RSRC1: variants seen among roughly 807,000 people sequenced by gnomAD.
RSRC1 encodes arginine and serine rich coiled-coil 1, also known as serine/Arginine-related protein 53.
In RSRC1, 39 loss-of-function variants were observed where a neutral mutation model predicts 49.1. The ratio of observed to expected loss-of-function variants is 0.79; its 90% confidence interval spans 0.61 to 1.04. RSRC1 has a LOEUF of 1.04. Among genes scored for constraint, RSRC1 ranks in the 50% least tolerant of loss-of-function variants. The probability of loss-of-function intolerance (pLI) is 0.00; values close to 1 mark genes in which losing one functional copy is unlikely to be tolerated. For missense variants in RSRC1, 388 were observed against 402.4 expected, an observed-to-expected ratio of 0.96 and a Z score of 0.31; for synonymous variants, 143 against 130.8, an observed-to-expected ratio of 1.09 and a Z score of -0.63.
intron 3 of RSRC1, among the ~76,000 whole-genome samples, chr3:158,130,450 T>G (rs1449816728): frequency 3.3e-5 from 5 of 152,226 alleles, no homozygotes; most frequent in African/African-American, 1.2e-4. Flanking sequence ...TGAATATTCC[T>G]TATCTGAAAT....
rs1423378241 is a variant in RSRC1 at position 158,544,950 on chromosome 3, A to C, written c.*675A>C. 1 of 151,998 alleles carries C rather than the reference A, an allele frequency of 6.6e-6. No individual in the cohort carries two copies. The highest frequency in any genetic ancestry group is 1.5e-5 in the Non-Finnish European group (1 of 68,036). The allele number at this position is 151,998 out of a possible 1,614,324, so 9.4% of individuals were successfully genotyped here. The stretch of plus-strand genomic sequence containing the variant: ...GCCAAATACCTATGATGGAGAAATC[A>C]TTTCTGAGAAAACTGATAAGAGCTC... On this transcript the variant is annotated 3_prime_UTR_variant, in exon 10 of 10. Coordinates refer to ENST00000611884, the MANE Select transcript of RSRC1 (RefSeq NM_001271838.2).
At chr3:158,144,933 C>G (rs2108202151) in intron 3 of RSRC1, among the ~76,000 whole-genome samples, 1 of 152,230 alleles carries the variant, frequency 6.6e-6, no homozygotes, top group African/African-American at 2.4e-5. Flanking sequence ...TAAATGTCTT[C>G]TTTTGAGAAG....
chr3:158,493,266 A>G (rs1739162815), intron 7 of RSRC1, among the ~76,000 whole-genome samples: 1 of 152,212 alleles, frequency 6.6e-6, no homozygotes, highest in Non-Finnish European at 1.5e-5. Flanking sequence ...GGAGGCACCA[A>G]TAAACTTTTA....
At chr3:158,330,021 G>A (rs1450921168) in intron 5 of RSRC1, among the ~76,000 whole-genome samples, 2 of 152,206 alleles carry the variant, frequency 1.3e-5, no homozygotes, top group African/African-American at 4.8e-5. Context: ...GTGGGCGTTG[G>A]ACCCTCCGAG....
intron 4 of RSRC1, among the ~76,000 whole-genome samples, chr3:158,271,582 T>C (rs1347096950): frequency 6.6e-6 from 1 of 152,168 alleles, no homozygotes; most frequent in Non-Finnish European, 1.5e-5. Context: ...ATTTGCTTTT[T>C]TAAATATATA....
chr3:158,408,043 C>G (rs761157105), intron 6 of RSRC1, among the ~76,000 whole-genome samples: 15 of 152,092 alleles, frequency 9.9e-5, no homozygotes, highest in Non-Finnish European at 1.5e-4. Context: ...GCTTTCTTAT[C>G]TGTAAAATGA....
intron 3 of RSRC1, among the ~76,000 whole-genome samples, chr3:158,145,095 G>A (rs1444595058): frequency 6.6e-6 from 1 of 152,148 alleles, no homozygotes; most frequent in East Asian, 1.9e-4. Context: ...TGTTCACTCT[G>A]ATGGTAGTTT....
intron 4 of RSRC1, among the ~76,000 whole-genome samples, chr3:158,256,287 T>C (rs1399557437): frequency 1.3e-5 from 2 of 152,204 alleles, no homozygotes; most frequent in Non-Finnish European, 2.9e-5. Flanking sequence ...TTGAATTTTG[T>C]CGATGGCCTT....
intron 8 of RSRC1, among the ~76,000 whole-genome samples, chr3:158,542,812 G>T (rs946670820): frequency 6.6e-6 from 1 of 152,070 alleles, no homozygotes; most frequent in Non-Finnish European, 1.5e-5. Context: ...AGGGTAAATT[G>T]TATGGTATAT....
chr3:158,420,081 A>G (rs905192461), intron 6 of RSRC1, among the ~76,000 whole-genome samples: 1 of 151,598 alleles, frequency 6.6e-6, no homozygotes, highest in Non-Finnish European at 1.5e-5. Flanking sequence ...CCTACAAAAA[A>G]GTTTGAAGAC....
intron 4 of RSRC1, among the ~76,000 whole-genome samples, chr3:158,274,822 T>G (rs963452602): frequency 2.0e-5 from 3 of 152,124 alleles, no homozygotes; most frequent in African/African-American, 7.2e-5. Flanking sequence ...ACAAGAGAAA[T>G]AACTGCAGAA....
chr3:158,275,670 A>G, intron 4 of RSRC1: 1 of 396,836 alleles, frequency 2.5e-6, no homozygotes, highest in Non-Finnish European at 3.9e-6. Context: ...GTCTTCAAAC[A>G]TTATTGCACT....
At chr3:158,408,870 T>C (rs1734283987) in intron 6 of RSRC1, among the ~76,000 whole-genome samples, 1 of 151,866 alleles carries the variant, frequency 6.6e-6, no homozygotes, top group Non-Finnish European at 1.5e-5. Context: ...CCGTCTCTAC[T>C]AAAAATATAA....
At chr3:158,543,225 T>G (rs1053408240) in intron 8 of RSRC1, 110 bp from the exon 9 acceptor site, 20 of 837,568 alleles carry the variant, frequency 2.4e-5, no homozygotes, top group Non-Finnish European at 3.1e-5. Context: ...GAGATGGGTA[T>G]CATCTCAAAG....
intron 5 of RSRC1, among the ~76,000 whole-genome samples, chr3:158,301,977 T>C: frequency 1.0e-5 from 1 of 98,210 alleles, no homozygotes; most frequent in Non-Finnish European, 2.0e-5. Context: ...TTTTTTGTTT[T>C]TTGGGGTTTT....
chr3:158,263,975 A>G (rs1725034309), intron 4 of RSRC1, among the ~76,000 whole-genome samples: 1 of 152,124 alleles, frequency 6.6e-6, no homozygotes, highest in Non-Finnish European at 1.5e-5. Flanking sequence ...TGATGTGCTT[A>G]AAGAACCAGC....
chr3:158,509,621 C>A (rs1455051173), intron 7 of RSRC1, among the ~76,000 whole-genome samples: 1 of 151,932 alleles, frequency 6.6e-6, no homozygotes, highest in African/African-American at 2.4e-5. Flanking sequence ...CCATCTCTTA[C>A]AAGATATTAT....
At chr3:158,300,255 C>A (rs149594246) in intron 5 of RSRC1, among the ~76,000 whole-genome samples, 1 of 152,132 alleles carries the variant, frequency 6.6e-6, no homozygotes, top group African/African-American at 2.4e-5. Flanking sequence ...GATTTGAATG[C>A]ATTTTATCTT....
chr3:158,427,942 T>C (rs1020106099), intron 6 of RSRC1, among the ~76,000 whole-genome samples: 1 of 151,880 alleles, frequency 6.6e-6, no homozygotes, highest in Non-Finnish European at 1.5e-5. Context: ...AATTTGTTTC[T>C]TTGATTTACA....
Sources: allele counts gnomAD v4.1 joint callset (sites outside exome capture counted in the v4.1 genomes callset), GRCh38; gene constraint gnomAD v4.1.1; transcripts MANE v1.5; gene names NCBI Gene and HGNC (gene_info 2026-07-23, HGNC 2026-07-21).